SRSF2: variants seen among roughly 807,000 people sequenced by gnomAD.
SRSF2 encodes the protein serine/arginine-rich splicing factor 2.
A neutral mutation model predicts 15.7 loss-of-function variants in SRSF2; 4 were observed. That is an observed-to-expected ratio of 0.26 (90% confidence interval 0.13 to 0.58). The LOEUF is 0.58. SRSF2 is among the 20% of genes least tolerant of loss of function. The probability of loss-of-function intolerance (pLI) is 0.90; values close to 1 mark genes in which losing one functional copy is unlikely to be tolerated. For missense variants in SRSF2, 147 were observed against 332.4 expected (o/e 0.44, Z 4.34); for synonymous variants, 192 against 138.9 (o/e 1.38, Z -2.69).
chr17:76,737,356 C>G (rs765830002), upstream of SRSF2: 2 of 648,568 alleles, frequency 3.1e-6, no homozygotes, highest in Non-Finnish European at 4.9e-6. Context: ...CCTCTGCGCC[C>G]GTTTATATCG....
chr17:76,736,600 CCCGCG>C (rs2077494165), intron 1 of SRSF2, 136 bp from the exon 2 acceptor site: 1 of 1,190,678 alleles, frequency 8.4e-7, no homozygotes, highest in African/African-American at 1.6e-5. Flanking sequence ...GGTCCTCCGC[CCCGCG>C]CCGCCCACAC....
chr17:76,734,118 T>G lies in SRSF2; in HGVS notation c.*1048A>C, dbSNP rs1282284061. The G allele has an allele frequency of 4.9e-6, 1 of 205,962 alleles. No individual in the cohort carries two copies. The highest frequency in any genetic ancestry group is 7.5e-5 in the East Asian group (1 of 13,278). The allele number at this position is 205,962 out of a possible 1,614,324, so 12.8% of individuals were successfully genotyped here. ...GGGAAAAAAAGACCGAGACATATTC[T>G]GAGAAAAGCTAACACCAAGAAAATG... is the stretch of plus-strand genomic sequence containing the variant. On this transcript the variant is annotated 3_prime_UTR_variant, in exon 3 of 3. Coordinates refer to ENST00000359995, the MANE Select transcript of SRSF2 (RefSeq NM_001195427.2).
intron 2 of SRSF2, chr17:76,735,748 C>T (rs1441180586): frequency 2.1e-5 from 7 of 340,584 alleles, no homozygotes; most frequent in African/African-American, 4.2e-5. Flanking sequence ...GAGGATAGTG[C>T]ATCTTTAACA....
intron 1 of SRSF2, 38 bp from the exon 2 acceptor site, chr17:76,736,502 C>A: frequency 6.3e-7 from 1 of 1,595,754 alleles, no homozygotes. Flanking sequence ...GGGTTAATTC[C>A]AGGCAGCGGG....
Position 76,734,888 on chromosome 17 carries a change from CAA to C in SRSF2, c.*276_*277del, listed in dbSNP as rs1598422669. 2 of 238,342 alleles carry C rather than the reference CAA, an allele frequency of 8.4e-6. No individual in the cohort carries two copies. Among genetic ancestry groups the C allele is most frequent in the Admixed American group, 1.1e-4 (2 of 17,472 alleles). 14.8% of individuals were successfully genotyped at this position (238,342 alleles called of 1,614,324 possible). A position where few individuals can be genotyped will look rare whatever the true frequency, so the allele number is the denominator to read the frequency against. ...AACAAAAAAAGTCAGCACTATATAA[CAA>C]AATGAAATTTTACCTCAAATATCCA... is the stretch of plus-strand genomic sequence containing the variant. On this transcript the variant is annotated 3_prime_UTR_variant, in exon 3 of 3. Coordinates refer to ENST00000359995, the MANE Select transcript of SRSF2 (RefSeq NM_001195427.2).
intron 2 of SRSF2, 43 bp downstream of exon 2, chr17:76,736,111 A>G (rs747814367): frequency 1.3e-6 from 2 of 1,529,178 alleles, no homozygotes; most frequent in East Asian, 2.3e-5. Flanking sequence ...CCCAAATCCC[A>G]TTTATGAATT....
In SRSF2 at chr17:76,737,254, G is replaced by A. The variant is rs1004653292; in HGVS notation, c.-94C>T. 8 of 1,437,704 alleles carry A rather than the reference G, an allele frequency of 5.6e-6. No homozygotes were observed. The highest frequency in any genetic ancestry group is 2.9e-5 in the African/African-American group (2 of 69,702). The allele number at this position is 1,437,704 out of a possible 1,614,324, so 89.1% of individuals were successfully genotyped here. On this transcript the variant is annotated 5_prime_UTR_variant, in exon 1 of 3. Coordinates refer to ENST00000359995, the MANE Select transcript of SRSF2 (RefSeq NM_001195427.2). ...CGCGCCTCTCAGGCAGTTGCCTTCC[G>A]CGTGGGGACACTGGGAAAGGCCTTG...
At position 76,736,632 on chromosome 17, in the gene SRSF2, T is replaced by C. The variant is rs931498432; in HGVS notation, c.362+167A>G. 19 of 1,149,034 alleles carry C rather than the reference T, an allele frequency of 1.7e-5. No homozygotes were observed. The African/African-American group carries it at 3.0e-4, about 18-fold the overall frequency. The allele number at this position is 1,149,034 out of a possible 1,614,324, so 71.2% of individuals were successfully genotyped here. A position where few individuals can be genotyped will look rare whatever the true frequency, so the allele number is the denominator to read the frequency against. On this transcript the variant is annotated intron_variant, in intron 1 of 2. Transcript: ENST00000359995. Reference sequence around the variant, plus strand: ...CGCCCACACCCCGGCCACTCCCGGGTCGCAGACGGCGGAAGCTCGCGGGGT... The same window carrying C: ...CGCCCACACCCCGGCCACTCCCGGGCCGCAGACGGCGGAAGCTCGCGGGGT...
Position 76,736,807 on chromosome 17 carries a change from C to T in SRSF2, c.354G>A (p.Arg118=), listed in dbSNP as rs755985389. 10 of 1,572,932 alleles carry T rather than the reference C, an allele frequency of 6.4e-6. No individual in the cohort carries two copies. Among genetic ancestry groups the T allele is most frequent in the Non-Finnish European group, 8.6e-6 (10 of 1,162,626 alleles). ...RRYGGGGYGR[R]SRSPRRRRRS... ...CCCTCAGCCCCGTTTACCTGCGGCT[C>T]CGGCGTCCGTAGCCACCGCCCCCGT... Residue 118 remains arginine, a synonymous_variant, in exon 1 of 3, where the codon CGG becomes CGA. Coordinates refer to ENST00000359995, the MANE Select transcript of SRSF2 (RefSeq NM_001195427.2).
chr17:76,736,095 A>G (rs2077451125), intron 2 of SRSF2, 59 bp downstream of exon 2: 1 of 1,497,408 alleles, frequency 6.7e-7, no homozygotes, highest in Admixed American at 2.1e-5. Flanking sequence ...ACTCAAAAAG[A>G]CCTACCCCAA....
intron 1 of SRSF2, 156 bp from the exon 2 acceptor site, chr17:76,736,620 G>A (rs1187120271): frequency 3.5e-6 from 4 of 1,149,172 alleles, no homozygotes; most frequent in African/African-American, 1.6e-5. Flanking sequence ...CCACACCCCG[G>A]CCACTCCCGG....
rs963489866 is a variant in SRSF2 at position 76,734,912 on chromosome 17, T to G, written c.*254A>C. 8.5e-6 allele frequency: 2 copies of G among 234,944 alleles called. No homozygotes were observed. Among genetic ancestry groups the G allele is most frequent in the African/African-American group, 4.5e-5 (2 of 44,732 alleles). 14.6% of individuals were successfully genotyped at this position (234,944 alleles called of 1,614,324 possible). ...ACAAAATGAAATTTTACCTCAAATATCCAAATCCAATAATGAAATCTGAAG... is the reference window on the plus strand; with the variant it reads ...ACAAAATGAAATTTTACCTCAAATAGCCAAATCCAATAATGAAATCTGAAG... On this transcript the variant is annotated 3_prime_UTR_variant, in exon 3 of 3. Transcript: ENST00000359995.
chr17:76,736,742 G>T (rs997214274), intron 1 of SRSF2, 57 bp downstream of exon 1: 22 of 1,389,460 alleles, frequency 1.6e-5, no homozygotes, highest in African/African-American at 4.6e-5. Flanking sequence ...TTGTGAGGTC[G>T]CCCGGGCCTC....
intron 2 of SRSF2, 37 bp from the exon 3 acceptor site, chr17:76,735,195 A>G (rs1195110501): frequency 4.6e-6 from 1 of 219,554 alleles, no homozygotes; most frequent in South Asian, 1.9e-4. Flanking sequence ...CTTACCTTCC[A>G]TTAAAGTGCA....
In SRSF2 at chr17:76,734,912, T is replaced by C. The variant is rs963489866; in HGVS notation, c.*254A>G. On this transcript the variant is annotated 3_prime_UTR_variant, in exon 3 of 3. Coordinates refer to ENST00000359995, the MANE Select transcript of SRSF2 (RefSeq NM_001195427.2). The stretch of plus-strand genomic sequence containing the variant: ...ACAAAATGAAATTTTACCTCAAATA[T>C]CCAAATCCAATAATGAAATCTGAAG... 4.3e-6 allele frequency: 1 copy of C among 234,944 alleles called. No homozygotes were observed. The highest frequency in any genetic ancestry group is 2.2e-5 in the African/African-American group (1 of 44,732). 14.6% of individuals were successfully genotyped at this position (234,944 alleles called of 1,614,324 possible).
chr17:76,737,162 GC>G lies in SRSF2; in HGVS notation c.-3del. On this transcript the variant is annotated 5_prime_UTR_variant, in exon 1 of 3. Transcript: ENST00000359995. ...GGGAGGGGGGCGGCCGTAGCTCATAGCTCTGAGTGGCGGCCCGGAGCCCCGC... is the reference window on the plus strand; with the variant it reads ...GGGAGGGGGGCGGCCGTAGCTCATAGTCTGAGTGGCGGCCCGGAGCCCCGC... The G allele has an allele frequency of 6.4e-7, 1 of 1,561,170 alleles. No homozygotes were observed. The highest frequency in any genetic ancestry group is 1.2e-5 in the South Asian group (1 of 85,690).
At position 76,736,442 on chromosome 17, in the gene SRSF2, G is replaced by C; in HGVS notation, c.385C>G (p.Arg129Gly). 3.1e-6 allele frequency: 5 copies of C among 1,612,686 alleles called. No homozygotes were observed. The highest frequency in any genetic ancestry group is 4.2e-6 in the Non-Finnish European group (5 of 1,179,920). Reference sequence around the variant, plus strand: ...CTGGAACGACTCCGACTCCGGGATCGGCTGCGGCGACGCCGCCTAGGGCTG... The same window carrying C: ...CTGGAACGACTCCGACTCCGGGATCCGCTGCGGCGACGCCGCCTAGGGCTG... Reference protein sequence around the residue: ...SRSPRRRRRSRSRSRSRSRSR... With the variant: ...SRSPRRRRRSGSRSRSRSRSR... The change falls in exon 2 of 3, where the codon CGA becomes GGA. Residue 129 changes from arginine (R) to glycine (G), a missense_variant. Physicochemically the swap from Arg to Gly is moderately radical, Grantham distance 125. Coordinates refer to ENST00000359995, the MANE Select transcript of SRSF2 (RefSeq NM_001195427.2).
At chr17:76,735,405 G>GAAA (rs368597985) in intron 2 of SRSF2, 2 of 164,222 alleles carry the variant, frequency 1.2e-5, no homozygotes, top group Non-Finnish European at 2.6e-5. Context: ...GAAAAAAAAA[G>GAAA]AAAAAAAAAA....
Position 76,737,240 on chromosome 17 carries a change from G to T in SRSF2, c.-80C>A. Reference sequence around the variant, plus strand: ...GGGCGGTGCGACGCCGCGCCTCTCAGGCAGTTGCCTTCCGCGTGGGGACAC... The same window carrying T: ...GGGCGGTGCGACGCCGCGCCTCTCATGCAGTTGCCTTCCGCGTGGGGACAC... On this transcript the variant is annotated 5_prime_UTR_variant, in exon 1 of 3. The change creates a new upstream start codon in the 5' untranslated region. Coordinates refer to ENST00000359995, the MANE Select transcript of SRSF2 (RefSeq NM_001195427.2). The T allele has an allele frequency of 6.9e-7, 1 of 1,456,518 alleles. No homozygotes were observed. Among genetic ancestry groups the T allele is most frequent in the Non-Finnish European group, 9.1e-7 (1 of 1,099,024 alleles). 90.2% of individuals were successfully genotyped at this position (1,456,518 alleles called of 1,614,324 possible). A position where few individuals can be genotyped will look rare whatever the true frequency, so the allele number is the denominator to read the frequency against.
Sources: allele counts gnomAD v4.1 joint callset, GRCh38; gene constraint gnomAD v4.1.1; transcripts MANE v1.5; gene names NCBI Gene and HGNC (gene_info 2026-07-23, HGNC 2026-07-21).